The following FGL1 variants were observed in gnomAD, a reference collection of about 807,000 sequenced individuals.
The protein encoded by FGL1 is fibrinogen-like protein 1.
A neutral mutation model predicts 43.7 loss-of-function variants in FGL1; 59 were observed. The ratio of observed to expected loss-of-function variants is 1.35; its 90% CI spans 1.10 to 1.68. The LOEUF (loss-of-function observed/expected upper bound fraction) is 1.68, where lower values mean the gene tolerates loss of function less well. Ranked by LOEUF, FGL1 falls within the 40% of genes most tolerant of loss-of-function variation. The pLI, the probability that FGL1 is intolerant of heterozygous loss-of-function variation, is 0.00. For missense variants in FGL1, 596 were observed against 373.0 expected, an observed-to-expected ratio of 1.60 and a Z score of -4.92; for synonymous variants, 192 against 126.5, an observed-to-expected ratio of 1.52 and a Z score of -3.48.
chr8:17,889,702 T>C (rs1336233501), intron 1 of FGL1, among the ~76,000 whole-genome samples: 1 of 152,252 alleles, frequency 6.6e-6, no homozygotes, highest in Admixed American at 6.5e-5. Flanking sequence ...CCTGGGAATA[T>C]CTCCCAAATC....
chr8:17,867,797 G>T (rs2053292422), intron 7 of FGL1, among the ~76,000 whole-genome samples: 1 of 152,150 alleles, frequency 6.6e-6, no homozygotes, highest in African/African-American at 2.4e-5. Context: ...TATGAATTCG[G>T]CAGGGTGCGG....
intron 5 of FGL1, among the ~76,000 whole-genome samples, chr8:17,869,618 CT>C (rs1278918484): frequency 6.6e-6 from 1 of 152,154 alleles, no homozygotes; most frequent in African/African-American, 2.4e-5. Flanking sequence ...TCAAGAGACT[CT>C]TAGCATCAAA....
intron 7 of FGL1, 150 bp from the exon 8 acceptor site, chr8:17,864,901 G>C (rs2053247068): frequency 1.7e-6 from 1 of 580,914 alleles, no homozygotes; most frequent in Non-Finnish European, 2.6e-6. Flanking sequence ...GTTTCCAAAA[G>C]CTGAGAAATT....
At chr8:17,890,203 C>G (rs34810128) in intron 1 of FGL1, among the ~76,000 whole-genome samples, 6 of 152,158 alleles carry the variant, frequency 3.9e-5, no homozygotes, top group Non-Finnish European at 7.3e-5. Context: ...TTTCTCACCA[C>G]CTCTATTGCT....
In FGL1 at chr8:17,881,983, A is replaced by G. The variant is rs143980844; in HGVS notation, c.244+16T>C. The G allele has an allele frequency of 0.014, 22,450 of 1,609,476 alleles. 169 individuals carry two copies. Among genetic ancestry groups the G allele is most frequent in the Non-Finnish European group, 0.016 (18,758 of 1,176,924 alleles). On this transcript the variant is annotated intron_variant, in intron 3 of 7. Coordinates refer to ENST00000427924, the MANE Select transcript of FGL1 (RefSeq NM_004467.4). ...AATGTAAGTTATAGAAACACTTAAG[A>G]AAAGTCCATTCTGACCTGCATACTG... is the stretch of plus-strand genomic sequence containing the variant.
At chr8:17,875,623 G>A (rs2053445026) in intron 3 of FGL1, among the ~76,000 whole-genome samples, 1 of 143,002 alleles carries the variant, frequency 7.0e-6, no homozygotes, top group Admixed American at 7.5e-5. Context: ...CTTTTCCTTT[G>A]AGACAGAGTC....
In FGL1 at chr8:17,875,481, C is replaced by CTCTTTCTTTCTTTCTT. The variant is rs1172572579; in HGVS notation, c.245-976_245-961dup. 5.4e-3 allele frequency among the ~76,000 whole-genome samples: 697 copies of CTCTTTCTTTCTTTCTT among 129,680 alleles called. 18 individuals carry two copies. Among genetic ancestry groups the CTCTTTCTTTCTTTCTT allele is most frequent in the East Asian group, 6.3e-3 (26 of 4,134 alleles). The allele number at this position is 129,680 out of a possible 152,430, so 85.1% of individuals were successfully genotyped here. A position where few individuals can be genotyped will look rare whatever the true frequency, so the allele number is the denominator to read the frequency against. On this transcript the variant is annotated intron_variant, in intron 3 of 7. Transcript: ENST00000427924. Reference sequence around the variant, plus strand: ...CCCCTTTGTCACCAAAAAGTGATATCTCTTTCTTTCTTTCTTTCTTTCTTT... The same window carrying CTCTTTCTTTCTTTCTT: ...CCCCTTTGTCACCAAAAAGTGATATCTCTTTCTTTCTTTCTTTCTTTCTTTCTTTCTTTCTTTCTTT...
intron 5 of FGL1, 60 bp from the exon 6 acceptor site, chr8:17,869,064 C>A (rs1013668268): frequency 3.9e-6 from 4 of 1,034,644 alleles, no homozygotes; most frequent in Non-Finnish European, 5.8e-6. Flanking sequence ...CGGACTACTG[C>A]GGTTTAAAAA....
chr8:17,886,449 T>A (rs879746500), intron 1 of FGL1, among the ~76,000 whole-genome samples: 2 of 110,876 alleles, frequency 1.8e-5, no homozygotes, highest in East Asian at 2.2e-4. Context: ...GTCAGCAAGT[T>A]GGTAGATGAT....
intron 5 of FGL1, among the ~76,000 whole-genome samples, chr8:17,873,119 A>G (rs1161424396): frequency 1.3e-5 from 2 of 152,066 alleles, no homozygotes; most frequent in African/African-American, 2.4e-5. Flanking sequence ...CAATTGCCCA[A>G]TTGTTCACCT....
At chr8:17,892,123 T>A (rs1313629957) in intron 1 of FGL1, among the ~76,000 whole-genome samples, 1 of 152,172 alleles carries the variant, frequency 6.6e-6, no homozygotes, top group Non-Finnish European at 1.5e-5. Context: ...CTTTTTAAAT[T>A]TGTACCCTTG....
At chr8:17,889,729 T>G (rs2053679134) in intron 1 of FGL1, among the ~76,000 whole-genome samples, 1 of 152,218 alleles carries the variant, frequency 6.6e-6, no homozygotes, top group Non-Finnish European at 1.5e-5. Flanking sequence ...ACCTCTTTCT[T>G]TATTGCCTGG....
intron 7 of FGL1, among the ~76,000 whole-genome samples, chr8:17,866,745 T>C (rs1029018873): frequency 2.0e-5 from 3 of 152,232 alleles, no homozygotes; most frequent in Non-Finnish European, 2.9e-5. Flanking sequence ...CTGGATAAAG[T>C]ACATGGTTTT....
At chr8:17,880,515 T>A (rs1190775287) in intron 3 of FGL1, among the ~76,000 whole-genome samples, 1 of 152,204 alleles carries the variant, frequency 6.6e-6, no homozygotes, top group African/African-American at 2.4e-5. Flanking sequence ...TATTTGCTTA[T>A]CTTGCTATTC....
chr8:17,895,377 T>C lies in FGL1; in HGVS notation c.-18+70A>G, dbSNP rs2053759781. 1.5e-5 allele frequency: 19 copies of C among 1,272,204 alleles called. No homozygotes were observed. The South Asian group carries it at 1.8e-4, about 12-fold the overall frequency. 78.8% of individuals were successfully genotyped at this position (1,272,204 alleles called of 1,614,324 possible). A position where few individuals can be genotyped will look rare whatever the true frequency, so the allele number is the denominator to read the frequency against. On this transcript the variant is annotated intron_variant, in intron 1 of 7. Transcript: ENST00000427924. ...TGGTTGTTACCTGAGTTTTGGTTAC[T>C]ATCATACCTGTGAAATAAATTAGCA... is the stretch of plus-strand genomic sequence containing the variant.
Position 17,873,127 on chromosome 8 carries a change from C to A in FGL1, c.502+892G>T, listed in dbSNP as rs200429064. Among the ~76,000 whole-genome samples, 9 of 152,208 alleles carry A rather than the reference C, an allele frequency of 5.9e-5. No individual in the cohort carries two copies. The East Asian group carries it at 1.7e-3, about 29-fold the overall frequency. On this transcript the variant is annotated intron_variant, in intron 5 of 7. Coordinates refer to ENST00000427924, the MANE Select transcript of FGL1 (RefSeq NM_004467.4). ...ATAGCACCAATTGCCCAATTGTTCA[C>A]CTCTCTCTCATAATATGTCTTCATA...
chr8:17,868,443 A>T lies in FGL1; in HGVS notation c.779+105T>A, dbSNP rs1259138098. ...AGAATGATTACTTAATAATACTAAT[A>T]TTATAAATAAAGACTAACATTACCA... On this transcript the variant is annotated intron_variant, in intron 7 of 7. Coordinates refer to ENST00000427924, the MANE Select transcript of FGL1 (RefSeq NM_004467.4). The T allele has an allele frequency of 1.1e-5, 9 of 845,348 alleles. No individual in the cohort carries two copies. In the East Asian group the frequency reaches 1.3e-4, roughly 12 times the overall value. 52.4% of individuals were successfully genotyped at this position (845,348 alleles called of 1,614,324 possible).
Position 17,882,124 on chromosome 8 carries a change from A to G in FGL1, c.119T>C (p.Leu40Pro). 6.2e-7 allele frequency: 1 copy of G among 1,614,010 alleles called. No homozygotes were observed. Among genetic ancestry groups the G allele is most frequent in the South Asian group, 1.1e-5 (1 of 91,076 alleles). Residue 40 changes from leucine (L) to proline (P), a missense_variant, in exon 3 of 8, where the codon CTT becomes CCT. Transcript: ENST00000427924. ...QMRLRAQVRL[L>P]ETRVKQQQVK... ...CTGTTGCTGTTTGACCCGGGTCTCA[A>G]GCAGGCGCACCTGGGCTCTGAGCCG...
intron 1 of FGL1, among the ~76,000 whole-genome samples, chr8:17,887,596 T>C (rs1339606392): frequency 6.6e-6 from 1 of 152,094 alleles, no homozygotes; most frequent in Non-Finnish European, 1.5e-5. Flanking sequence ...ACACCTGTAA[T>C]CCCAGCACTT....
Sources: gnomAD v4.1 joint callset for allele counts (sites outside exome capture counted in the v4.1 genomes callset) on GRCh38, gnomAD v4.1.1 for gene constraint, MANE v1.5 for transcripts, NCBI Gene and HGNC (gene_info 2026-07-23, HGNC 2026-07-21) for gene names.